Variants in CNTNAP5 observed in about 807,000 individuals in gnomAD.
CNTNAP5 encodes the protein contactin-associated protein-like 5.
In CNTNAP5, 72 loss-of-function variants were observed where a neutral mutation model predicts 150.2. The observed-to-expected ratio is 0.48, with a 90% CI of 0.40 to 0.58. The LOEUF (loss-of-function observed/expected upper bound fraction) is 0.58. Ranked by LOEUF, CNTNAP5 falls within the 20% of genes least tolerant of loss-of-function variation. The pLI is 0.00. For synonymous variants in CNTNAP5, 672 were observed against 619.8 expected (o/e 1.08, Z -1.25); for missense variants, 1,636 against 1,626.2 (o/e 1.01, Z -0.10).
intron 6 of CNTNAP5, among the ~76,000 whole-genome samples, chr2:124,453,410 T>C (rs59511059): frequency 0.1 from 15,522 of 152,162 alleles, 1,246 homozygotes; most frequent in African/African-American, 0.2. Context: ...CTAAGAATAA[T>C]TGGCATTCCT....
At chr2:124,057,623 T>C (rs1365601192) in intron 1 of CNTNAP5, among the ~76,000 whole-genome samples, 1 of 151,770 alleles carries the variant, frequency 6.6e-6, no homozygotes, top group Non-Finnish European at 1.5e-5. Flanking sequence ...GATATATTAC[T>C]TCTTACCCAG....
Position 124,911,542 on chromosome 2 carries a change from A to C in CNTNAP5, c.3727+4A>C, listed in dbSNP as rs1422724065. On this transcript the variant is annotated splice_donor_region_variant and intron_variant, in intron 23 of 23. Transcript: ENST00000682447. ...AGTGATTCGGCAGTCATCGGAGGTA[A>C]ACAATTCATTGTTGTTGAATGCAAA... The C allele has an allele frequency of 1.9e-6, 3 of 1,588,850 alleles. No homozygotes were observed. The highest frequency in any genetic ancestry group is 2.6e-6 in the Non-Finnish European group (3 of 1,165,566).
intron 1 of CNTNAP5, among the ~76,000 whole-genome samples, chr2:124,102,756 A>AT (rs773708698): frequency 3.0e-4 from 46 of 152,184 alleles, no homozygotes; most frequent in Non-Finnish European, 5.7e-4. Context: ...GCTTCGGTCT[A>AT]TATCTATGAA....
intron 19 of CNTNAP5, among the ~76,000 whole-genome samples, chr2:124,848,046 T>C (rs1407435859): frequency 6.6e-6 from 1 of 152,192 alleles, no homozygotes; most frequent in Non-Finnish European, 1.5e-5. Context: ...TACAATGTGA[T>C]GGGTCGATAC....
In CNTNAP5 at chr2:124,902,921, C is replaced by T; in HGVS notation, c.3476C>T (p.Ala1159Val). The T allele has an allele frequency of 1.2e-6, 2 of 1,612,078 alleles. No individual in the cohort carries two copies. The highest frequency in any genetic ancestry group is 1.7e-6 in the Non-Finnish European group (2 of 1,178,520). ...GLDSEVAKAN[A>V]MGFAGCMSSV... is the part of the protein sequence containing the mutation. ...GATTCTGAAGTTGCTAAAGCAAATG[C>T]CATGGGTTTTGCTGGATGCATGTCT... The change falls in exon 22 of 24, where the codon GCC (alanine) becomes GTC (valine). Residue 1159 changes from alanine (A) to valine (V), a missense_variant. Coordinates refer to ENST00000682447, the MANE Select transcript of CNTNAP5 (RefSeq NM_001367498.1).
At chr2:124,292,796 G>A (rs1440152742) in intron 3 of CNTNAP5, among the ~76,000 whole-genome samples, 1 of 152,068 alleles carries the variant, frequency 6.6e-6, no homozygotes, top group East Asian at 1.9e-4. Context: ...ATTTTGCAGA[G>A]ATCTCAGCAT....
chr2:124,063,336 G>C (rs767589595), intron 1 of CNTNAP5, among the ~76,000 whole-genome samples: 2 of 152,006 alleles, frequency 1.3e-5, no homozygotes, highest in Non-Finnish European at 2.9e-5. Flanking sequence ...ATAGTTCTAC[G>C]TGCCACTTTC....
intron 1 of CNTNAP5, among the ~76,000 whole-genome samples, chr2:124,121,302 C>T (rs1683555668): frequency 6.6e-6 from 1 of 152,182 alleles, no homozygotes; most frequent in Non-Finnish European, 1.5e-5. Context: ...TTAAATCACA[C>T]TTCATCAGTG....
intron 7 of CNTNAP5, among the ~76,000 whole-genome samples, chr2:124,475,962 C>A (rs374838976): frequency 1.3e-5 from 2 of 151,706 alleles, no homozygotes; most frequent in Non-Finnish European, 2.9e-5. Flanking sequence ...TTTTCTCTAA[C>A]GTCCTGTGTT....
Position 124,674,786 on chromosome 2 carries a change from AC to A in CNTNAP5, c.2077+26830del, listed in dbSNP as rs140535780. ...ACTGTTAAATTTCCACTTATTTGTA[AC>A]CTTTTCAAGTTTAAATTGTTGATTT... On this transcript the variant is annotated intron_variant, in intron 13 of 23. Coordinates refer to ENST00000682447, the MANE Select transcript of CNTNAP5 (RefSeq NM_001367498.1). Among the ~76,000 whole-genome samples the A allele has an allele frequency of 2.9e-3, 439 of 151,990 alleles. 1 individual carries two copies. The highest frequency in any genetic ancestry group is 1.0e-2 in the African/African-American group (414 of 41,490).
intron 11 of CNTNAP5, among the ~76,000 whole-genome samples, chr2:124,588,520 A>G (rs1343256659): frequency 1.3e-5 from 2 of 152,036 alleles, no homozygotes; most frequent in Non-Finnish European, 2.9e-5. Context: ...GTATCTTTAC[A>G]TACCAACGAC....
intron 21 of CNTNAP5, among the ~76,000 whole-genome samples, chr2:124,892,684 A>G (rs751547346): frequency 6.6e-6 from 1 of 152,092 alleles, no homozygotes; most frequent in Non-Finnish European, 1.5e-5. Context: ...TTGAAGAGCT[A>G]AGCAGGCAAC....
chr2:124,281,457 G>C (rs967143176), intron 3 of CNTNAP5, among the ~76,000 whole-genome samples: 3 of 152,132 alleles, frequency 2.0e-5, no homozygotes, highest in African/African-American at 7.2e-5. Flanking sequence ...ATATCTCATT[G>C]AGCATGGTCA....
chr2:124,146,513 G>T (rs971261611), intron 1 of CNTNAP5, among the ~76,000 whole-genome samples: 5 of 151,766 alleles, frequency 3.3e-5, no homozygotes, highest in African/African-American at 1.2e-4. Flanking sequence ...GCTCATCTCA[G>T]AATTATGAAA....
In CNTNAP5 at chr2:124,874,269, A is replaced by G. The variant is rs1380376840; in HGVS notation, c.3436+4507A>G. 2.0e-5 allele frequency among the ~76,000 whole-genome samples: 3 copies of G among 152,116 alleles called. No homozygotes were observed. The South Asian group carries it at 6.2e-4, about 32-fold the overall frequency. Reference sequence around the variant, plus strand: ...TGCATCAGTGAATTTAAGAAAAATAACATTAAAAGAGAGAGAGAGCACATA... The same window carrying G: ...TGCATCAGTGAATTTAAGAAAAATAGCATTAAAAGAGAGAGAGAGCACATA... On this transcript the variant is annotated intron_variant, in intron 21 of 23. Transcript: ENST00000682447.
intron 11 of CNTNAP5, among the ~76,000 whole-genome samples, chr2:124,564,590 G>A (rs1553480069): frequency 1.3e-5 from 2 of 152,046 alleles, no homozygotes; most frequent in South Asian, 2.1e-4. Flanking sequence ...TCCTGACCTC[G>A]TGTTCCGCCT....
At chr2:124,705,532 AAAT>A (rs201487655) in intron 13 of CNTNAP5, among the ~76,000 whole-genome samples, 37 of 147,034 alleles carry the variant, frequency 2.5e-4, no homozygotes, top group East Asian at 8.2e-4. Context: ...CATCTCAAAA[AAAT>A]AAAAATAATA....
intron 19 of CNTNAP5, among the ~76,000 whole-genome samples, chr2:124,857,288 C>A (rs753991926): frequency 6.6e-6 from 1 of 152,076 alleles, no homozygotes; most frequent in Non-Finnish European, 1.5e-5. Flanking sequence ...AACTACTGGA[C>A]TCGGCATATA....
intron 19 of CNTNAP5, among the ~76,000 whole-genome samples, chr2:124,818,610 G>A (rs751349196): frequency 6.6e-6 from 1 of 152,026 alleles, no homozygotes; most frequent in Non-Finnish European, 1.5e-5. Flanking sequence ...CTGAATCCAA[G>A]CACTGCTGAC....
Sources: gnomAD v4.1 joint callset for allele counts (sites outside exome capture counted in the v4.1 genomes callset) on GRCh38, gnomAD v4.1.1 for gene constraint, MANE v1.5 for transcripts, NCBI Gene and HGNC (gene_info 2026-07-23, HGNC 2026-07-21) for gene names.